POLR3F: variants seen among roughly 807,000 people sequenced by gnomAD.
POLR3F encodes the protein RNA polymerase III subunit F, also known as DNA-directed RNA polymerase III subunit RPC6.
A neutral mutation model predicts 43.6 loss-of-function variants in POLR3F; 31 were observed. The ratio of observed to expected loss-of-function variants is 0.71; its 90% CI spans 0.53 to 0.96. The LOEUF is 0.96. Among genes scored for constraint, POLR3F ranks in the 40% least tolerant of loss-of-function variants. The pLI, the probability that POLR3F is intolerant of heterozygous loss-of-function variation, is 0.00. For missense variants in POLR3F, 316 were observed against 391.7 expected, an observed-to-expected ratio of 0.81 and a Z score of 1.63; for synonymous variants, 114 against 132.5, an observed-to-expected ratio of 0.86 and a Z score of 0.96.
chr20:18,472,793 C>T, intron 2 of POLR3F, 49 bp from the exon 3 acceptor site: 1 of 797,800 alleles, frequency 1.3e-6, no homozygotes, highest in Non-Finnish European at 2.1e-6. Context: ...TTTGATTTAA[C>T]ATATCTCCAA....
chr20:18,467,697 G>A (rs1601243442), intron 1 of POLR3F, 129 bp downstream of exon 1: 3 of 1,527,966 alleles, frequency 2.0e-6, no homozygotes, highest in East Asian at 4.9e-5. Flanking sequence ...AAACGATTGC[G>A]GGGTTCTGGA....
At position 18,467,550 on chromosome 20, in the gene POLR3F, C is replaced by T; in HGVS notation, c.44C>T (p.Pro15Leu). ...AAGGTGCAGCCGCCTGACGCGGATCCGGTCGAAATAGAAAACAGGTAAACC... is the reference window on the plus strand; with the variant it reads ...AAGGTGCAGCCGCCTGACGCGGATCTGGTCGAAATAGAAAACAGGTAAACC... ...KVKVQPPDADPVEIENRIIEL... is the reference protein window; with the variant it reads ...KVKVQPPDADLVEIENRIIEL... The change falls in exon 1 of 9, where the codon CCG (proline) becomes CTG (leucine). Residue 15 changes from proline (P) to leucine (L), a missense_variant. Around this residue, in one of 3 missense-constraint regions of POLR3F, gnomAD observed 122 missense variants for 133.8 expected, o/e 0.91. Coordinates refer to ENST00000377603, the MANE Select transcript of POLR3F (RefSeq NM_006466.4). The T allele has an allele frequency of 6.2e-7, 1 of 1,614,260 alleles. No homozygotes were observed. The highest frequency in any genetic ancestry group is 1.3e-5 in the African/African-American group (1 of 75,070).
Position 18,467,501 on chromosome 20 carries a change from G to C in POLR3F, c.-6G>C. The C allele has an allele frequency of 6.2e-7, 1 of 1,614,238 alleles. No individual in the cohort carries two copies. The highest frequency in any genetic ancestry group is 1.7e-5 in the Admixed American group (1 of 60,038). On this transcript the variant is annotated 5_prime_UTR_variant, in exon 1 of 9. Coordinates refer to ENST00000377603, the MANE Select transcript of POLR3F (RefSeq NM_006466.4). Reference sequence around the variant, plus strand: ...TTTCCCCCCAGGCGTCAGGAACTGCGCCCTCATGGCGGAGGTGAAGGTGAA... The same window carrying C: ...TTTCCCCCCAGGCGTCAGGAACTGCCCCCTCATGGCGGAGGTGAAGGTGAA...
At chr20:18,472,756 T>C (rs2059760171) in intron 2 of POLR3F, 86 bp from the exon 3 acceptor site, 5 of 668,080 alleles carry the variant, frequency 7.5e-6, no homozygotes, top group Non-Finnish European at 1.3e-5. Flanking sequence ...AAATTAAGAA[T>C]GTTAAAGAAT....
chr20:18,480,891 A>C (rs1308320185), intron 7 of POLR3F, among the ~76,000 whole-genome samples: 3 of 152,090 alleles, frequency 2.0e-5, no homozygotes, highest in African/African-American at 7.2e-5. Flanking sequence ...ACAGTGAAGA[A>C]ATCAAAGTGG....
intron 4 of POLR3F, among the ~76,000 whole-genome samples, chr20:18,474,714 G>A (rs1459241159): frequency 6.6e-6 from 1 of 151,990 alleles, no homozygotes; most frequent in Non-Finnish European, 1.5e-5. Context: ...TAGGGACAGA[G>A]TTTCACCATG....
At position 18,478,966 on chromosome 20, in the gene POLR3F, A is replaced by G. The variant is rs545840463; in HGVS notation, c.430-1072A>G. Among the ~76,000 whole-genome samples, 34 of 150,116 alleles carry G rather than the reference A, an allele frequency of 2.3e-4. 1 individual carries two copies. The highest frequency in any genetic ancestry group is 8.3e-4 in the African/African-American group (34 of 40,736). On this transcript the variant is annotated intron_variant, in intron 5 of 8. Transcript: ENST00000377603. ...GAGACCAGCTTGGCCAACATGGTGAAACCCCATCTCTACTGAAAATACAAA... is the reference window on the plus strand; with the variant it reads ...GAGACCAGCTTGGCCAACATGGTGAGACCCCATCTCTACTGAAAATACAAA...
In POLR3F at chr20:18,484,065, G is replaced by A. The variant is rs1281018275; in HGVS notation, c.*507G>A. ...AGGAATAGCAAAGAGTGCAAACTTG[G>A]GGTATGACTGGGGGAGAGTGGAACA... On this transcript the variant is annotated 3_prime_UTR_variant, in exon 9 of 9. Transcript: ENST00000377603. The A allele has an allele frequency of 2.5e-6, 1 of 398,256 alleles. No homozygotes were observed. The highest frequency in any genetic ancestry group is 4.4e-6 in the Non-Finnish European group (1 of 226,036). The allele number at this position is 398,256 out of a possible 1,614,324, so 24.7% of individuals were successfully genotyped here.
chr20:18,481,627 A>G lies in POLR3F; in HGVS notation c.690A>G (p.Leu230=). ...ATGTATCCCTTTTTTAGGTAGAGTT[A>G]TCCATGGAAGACATTGAAACCATCC... is the stretch of plus-strand genomic sequence containing the variant. ...ICELGISKVE[L]SMEDIETILN... is the part of the protein sequence containing the mutation. Residue 230 remains leucine, a synonymous_variant, in exon 8 of 9, where the codon TTA becomes TTG. Coordinates refer to ENST00000377603, the MANE Select transcript of POLR3F (RefSeq NM_006466.4). 6.2e-7 allele frequency: 1 copy of G among 1,602,082 alleles called. No homozygotes were observed. Among genetic ancestry groups the G allele is most frequent in the Non-Finnish European group, 8.6e-7 (1 of 1,169,008 alleles).
At chr20:18,475,326 C>G (rs2059774312) in intron 5 of POLR3F, 139 bp downstream of exon 5, 1 of 511,184 alleles carries the variant, frequency 2.0e-6, no homozygotes, top group Non-Finnish European at 3.5e-6. Flanking sequence ...GGAGATGCTG[C>G]TTAGACTTGT....
chr20:18,474,349 G>A (rs1394278756), intron 4 of POLR3F, among the ~76,000 whole-genome samples: 2 of 151,994 alleles, frequency 1.3e-5, no homozygotes, highest in African/African-American at 4.8e-5. Context: ...TCTAAAGAGT[G>A]TTTTTGTCCC....
In POLR3F at chr20:18,469,000, A is replaced by G. The variant is rs2148859568; in HGVS notation, c.119A>G (p.Asn40Ser). The G allele has an allele frequency of 6.2e-7, 1 of 1,600,810 alleles. No homozygotes were observed. Among genetic ancestry groups the G allele is most frequent in the East Asian group, 2.2e-5 (1 of 44,804 alleles). Residue 40 changes from asparagine to serine, a missense_variant, in exon 2 of 9, where the codon AAT becomes AGT. Physicochemically the swap from Asn to Ser is conservative, Grantham distance 46. Coordinates refer to ENST00000377603, the MANE Select transcript of POLR3F (RefSeq NM_006466.4). ...GGAATCACAGACCAAGTAATTCAGA[A>G]TGAAATGCCTCATATAGAAGCCCAG... is the stretch of plus-strand genomic sequence containing the variant. ...PHGITDQVIQ[N>S]EMPHIEAQQR...
chr20:18,483,142 A>G (rs898253748), intron 8 of POLR3F, among the ~76,000 whole-genome samples: 1 of 150,890 alleles, frequency 6.6e-6, no homozygotes, highest in Non-Finnish European at 1.5e-5. Flanking sequence ...TTGGCTCACT[A>G]CAACCTCTGC....
intron 2 of POLR3F, chr20:18,469,490 C>T (rs1447582737): frequency 1.3e-5 from 2 of 158,258 alleles, no homozygotes; most frequent in Non-Finnish European, 2.8e-5. Context: ...TCCTGGGTCT[C>T]CAGCTTGCAG....
intron 5 of POLR3F, among the ~76,000 whole-genome samples, chr20:18,478,032 T>A (rs1019460815): frequency 1.3e-5 from 2 of 152,154 alleles, no homozygotes; most frequent in East Asian, 3.9e-4. Context: ...ATCATGCGGT[T>A]GGTCTTTCCA....
chr20:18,468,146 G>A (rs1406775774), intron 1 of POLR3F, among the ~76,000 whole-genome samples: 1 of 152,162 alleles, frequency 6.6e-6, no homozygotes, highest in Non-Finnish European at 1.5e-5. Context: ...GCGCGATCTC[G>A]GTTCACTGCA....
At chr20:18,482,119 C>G (rs945181193) in intron 8 of POLR3F, among the ~76,000 whole-genome samples, 2 of 151,380 alleles carry the variant, frequency 1.3e-5, no homozygotes, top group Non-Finnish European at 2.9e-5. Context: ...ACCTGAGTAC[C>G]TGAGATTATA....
chr20:18,471,157 T>C (rs559356222), intron 2 of POLR3F, among the ~76,000 whole-genome samples: 16 of 152,324 alleles, frequency 1.1e-4, no homozygotes, highest in African/African-American at 3.4e-4. Context: ...CCCTGCATTG[T>C]TCACCAGCCT....
rs555114283 is a variant in POLR3F at position 18,480,253 on chromosome 20, T to C, written c.573+72T>C. 4.4e-5 allele frequency: 61 copies of C among 1,390,434 alleles called. No individual in the cohort carries two copies. The South Asian group carries it at 6.7e-4, about 15-fold the overall frequency. 86.1% of individuals were successfully genotyped at this position (1,390,434 alleles called of 1,614,324 possible). ...GTTTTTCACAAAGGATTTTAATCTATTTATCATATTTTATAGGAATTAAAA... is the reference window on the plus strand; with the variant it reads ...GTTTTTCACAAAGGATTTTAATCTACTTATCATATTTTATAGGAATTAAAA... On this transcript the variant is annotated intron_variant, in intron 6 of 8. Transcript: ENST00000377603.
Sources: allele counts gnomAD v4.1 joint callset (sites outside exome capture counted in the v4.1 genomes callset), GRCh38; gene constraint gnomAD v4.1.1; regional missense constraint gnomAD v4.1.1; transcripts MANE v1.5; gene names NCBI Gene and HGNC (gene_info 2026-07-23, HGNC 2026-07-21).